ECHDC2: variants seen among roughly 807,000 people sequenced by gnomAD.
ECHDC2 encodes enoyl-CoA hydratase domain containing 2.
ECHDC2 carries 34 observed loss-of-function variants against 40.6 expected under a neutral mutation model. The ratio of observed to expected loss-of-function variants is 0.84; its 90% CI spans 0.64 to 1.11. The LOEUF is 1.11. Among genes scored for constraint, ECHDC2 ranks in the 50% most tolerant of loss-of-function variants. The pLI, the probability that ECHDC2 is intolerant of heterozygous loss-of-function variation, is 0.00. For missense variants in ECHDC2, 392 were observed against 400.7 expected, an observed-to-expected ratio of 0.98 and a Z score of 0.19; for synonymous variants, 162 against 166.6, an observed-to-expected ratio of 0.97 and a Z score of 0.21.
chr1:52,906,720 G>T, intron 4 of ECHDC2, 109 bp from the exon 5 acceptor site: 1 of 710,366 alleles, frequency 1.4e-6, no homozygotes, highest in Non-Finnish European at 2.3e-6. Context: ...AGTGGACCCA[G>T]GTCTGGGGAC....
chr1:52,898,821 C>G, intron 8 of ECHDC2: 1 of 385,108 alleles, frequency 2.6e-6, no homozygotes, highest in Non-Finnish European at 4.9e-6. Context: ...AAGCCCTGCC[C>G]TGAGGCCACA....
chr1:52,908,832 G>T (rs545884130), intron 3 of ECHDC2, among the ~76,000 whole-genome samples: 1 of 150,394 alleles, frequency 6.6e-6, no homozygotes, highest in Admixed American at 6.7e-5. Context: ...TACTAGGGAG[G>T]TTGAGGCTGA....
At chr1:52,917,568 G>A (rs1452171209) in intron 1 of ECHDC2, 1 of 455,994 alleles carries the variant, frequency 2.2e-6, no homozygotes, top group African/African-American at 2.0e-5. Flanking sequence ...ATGGGTAGAG[G>A]AGGGAGGATG....
intron 1 of ECHDC2, among the ~76,000 whole-genome samples, chr1:52,919,186 C>T (rs919101011): frequency 1.3e-5 from 2 of 152,150 alleles, no homozygotes; most frequent in African/African-American, 4.8e-5. Context: ...GTCCCTGGTG[C>T]CAAACCAGTC....
chr1:52,903,118 C>T (rs1647093867), intron 7 of ECHDC2, among the ~76,000 whole-genome samples: 1 of 152,264 alleles, frequency 6.6e-6, no homozygotes, highest in Non-Finnish European at 1.5e-5. Flanking sequence ...ATACCCCAGA[C>T]AGCCAGATCC....
At position 52,921,450 on chromosome 1, in the gene ECHDC2, G is replaced by T. The variant is rs1329534329; in HGVS notation, c.121+103C>A. 4.8e-6 allele frequency: 7 copies of T among 1,456,966 alleles called. No homozygotes were observed. In the South Asian group the frequency reaches 9.9e-5, roughly 21 times the overall value. The allele number at this position is 1,456,966 out of a possible 1,614,324, so 90.3% of individuals were successfully genotyped here. On this transcript the variant is annotated intron_variant, in intron 1 of 9. Coordinates refer to ENST00000371522, the MANE Select transcript of ECHDC2 (RefSeq NM_001198961.2). ...CCTAGAACTGGGAGGGAGGGACTGG[G>T]GATCGAATCCTTCAACGCACTGAGC...
chr1:52,910,352 G>GCTTTTTTTTTTTTT (rs1649094598), intron 3 of ECHDC2, among the ~76,000 whole-genome samples: 2 of 32,062 alleles, frequency 6.2e-5, no homozygotes, highest in African/African-American at 2.2e-4. Context: ...CCACAATTTC[G>GCTTTTTTTTTTTTT]TTTTTTTTTT....
intron 7 of ECHDC2, among the ~76,000 whole-genome samples, chr1:52,903,821 C>G (rs1398216807): frequency 1.4e-5 from 2 of 144,714 alleles, no homozygotes; most frequent in East Asian, 4.2e-4. Context: ...TTCTTTCTTT[C>G]TTTTTTTTTT....
chr1:52,921,547 A>T lies in ECHDC2; in HGVS notation c.121+6T>A. ...GTCATGCGCCGCCCCGGAACTGCAC[A>T]TTTACCTTGGTCCGGACCCGCCAGG... On this transcript the variant is annotated splice_donor_region_variant and intron_variant, in intron 1 of 9. Coordinates refer to ENST00000371522, the MANE Select transcript of ECHDC2 (RefSeq NM_001198961.2). 1.2e-6 allele frequency: 2 copies of T among 1,609,122 alleles called. No homozygotes were observed. The highest frequency in any genetic ancestry group is 1.7e-6 in the Non-Finnish European group (2 of 1,178,388).
In ECHDC2 at chr1:52,905,077, G is replaced by A. The variant is rs1183953674; in HGVS notation, c.471C>T (p.Val157=). ...CDLRVAASSA[V]MGLIETTRGL... Reference sequence around the variant, plus strand: ...CTCGCGTGGTCTCAATCAGTCCCATGACTGCCGAGGAAGCTGCTCAGATAG... The same window carrying A: ...CTCGCGTGGTCTCAATCAGTCCCATAACTGCCGAGGAAGCTGCTCAGATAG... The change falls in exon 6 of 10, where the codon GTC becomes GTT. Residue 157 remains valine, a synonymous_variant. Coordinates refer to ENST00000371522, the MANE Select transcript of ECHDC2 (RefSeq NM_001198961.2). The A allele has an allele frequency of 6.2e-7, 1 of 1,614,134 alleles. No homozygotes were observed.
chr1:52,908,249 C>T (rs376011476), intron 3 of ECHDC2, among the ~76,000 whole-genome samples: 150 of 152,312 alleles, frequency 9.8e-4, no homozygotes, highest in African/African-American at 3.3e-3. Context: ...GTGGCTCACG[C>T]TTGCAATCTC....
chr1:52,920,741 TG>T, intron 1 of ECHDC2: 4 of 540,830 alleles, frequency 7.4e-6, no homozygotes, highest in Admixed American at 3.4e-5. Flanking sequence ...AATAAACTTT[TG>T]TTAAAAAAAA....
At chr1:52,906,922 G>A (rs1149800) in intron 4 of ECHDC2, 73,672 of 160,520 alleles carry the variant, frequency 0.46, 18,716 homozygotes, top group Non-Finnish European at 0.57. Flanking sequence ...GCGCCACCAC[G>A]CCCAGCTAAT....
At chr1:52,918,544 T>C (rs1489563351) in intron 1 of ECHDC2, among the ~76,000 whole-genome samples, 2 of 152,120 alleles carry the variant, frequency 1.3e-5, no homozygotes, top group Admixed American at 6.6e-5. Flanking sequence ...CTCGTGTGTG[T>C]GCTTGTGTCT....
At chr1:52,906,941 ATT>A (rs532560153) in intron 4 of ECHDC2, 161 of 107,082 alleles carry the variant, frequency 1.5e-3, no homozygotes, top group South Asian at 4.3e-3. Context: ...ATTTTTTTGT[ATT>A]TTTTTTTTTT....
intron 7 of ECHDC2, 142 bp downstream of exon 7, chr1:52,904,504 T>G (rs1181161604): frequency 1.3e-6 from 1 of 743,472 alleles, no homozygotes; most frequent in African/African-American, 1.8e-5. Context: ...TGATTGTGTT[T>G]ACTGGATGGT....
Position 52,896,128 on chromosome 1 carries a change from G to GA in ECHDC2, c.*391dup, listed in dbSNP as rs1341409469. On this transcript the variant is annotated 3_prime_UTR_variant, in exon 10 of 10. Transcript: ENST00000371522. ...TATTTATTACCTCTGTTGTTCACAGGAAGAAACTAGGGGTATCTTAAAATC... is the reference window on the plus strand; with the variant it reads ...TATTTATTACCTCTGTTGTTCACAGGAAAGAAACTAGGGGTATCTTAAAATC... 5.1e-6 allele frequency: 1 copy of GA among 195,932 alleles called. No homozygotes were observed. Among genetic ancestry groups the GA allele is most frequent in the African/African-American group, 2.3e-5 (1 of 43,702 alleles). The allele number at this position is 195,932 out of a possible 1,614,324, so 12.1% of individuals were successfully genotyped here.
intron 7 of ECHDC2, among the ~76,000 whole-genome samples, chr1:52,904,082 C>A (rs1647197171): frequency 6.6e-6 from 1 of 152,150 alleles, no homozygotes; most frequent in Admixed American, 6.5e-5. Context: ...TCCCAAAGTG[C>A]TGGGATTACA....
At chr1:52,905,946 A>G in intron 5 of ECHDC2, 1 of 227,762 alleles carries the variant, frequency 4.4e-6, no homozygotes, top group Non-Finnish European at 8.7e-6. Flanking sequence ...CGGTGGGGGG[A>G]GAAGGGAAGA....
Sources: allele counts gnomAD v4.1 joint callset (sites outside exome capture counted in the v4.1 genomes callset), GRCh38; gene constraint gnomAD v4.1.1; transcripts MANE v1.5; gene names NCBI Gene and HGNC (gene_info 2026-07-23, HGNC 2026-07-21).